The following ARHGAP24 variants were observed in gnomAD, a reference collection of about 807,000 sequenced individuals.
The protein encoded by ARHGAP24 is Rho GTPase activating protein 24, also known as rho GTPase-activating protein 24.
ARHGAP24 carries 50 observed loss-of-function variants against 76.4 expected under a neutral mutation model. The ratio of observed to expected loss-of-function variants is 0.65; its 90% confidence interval spans 0.52 to 0.83. The LOEUF is 0.83. Ranked by LOEUF, ARHGAP24 falls within the 40% of genes least tolerant of loss-of-function variation. The pLI is 0.00. For synonymous variants in ARHGAP24, 345 were observed against 323.3 expected (o/e 1.07, Z -0.72); for missense variants, 930 against 914.2 (o/e 1.02, Z -0.22).
rs1261902060 is a variant in ARHGAP24, at chr4:85,923,888, T to C, written c.391+118T>C. The C allele has an allele frequency of 3.1e-5, 45 of 1,435,464 alleles. No homozygotes were observed. In the East Asian group the frequency reaches 1.0e-3, roughly 32 times the overall value. 88.9% of individuals were successfully genotyped at this position (1,435,464 alleles called of 1,614,324 possible). A position where few individuals can be genotyped will look rare whatever the true frequency, so the allele number is the denominator to read the frequency against. Reference sequence around the variant, plus strand: ...TCAAGTGGGTGAATGTTAAAATAAATTGTAAATTGTTCAACATTATTGTTA... The same window carrying C: ...TCAAGTGGGTGAATGTTAAAATAAACTGTAAATTGTTCAACATTATTGTTA... On this transcript the variant is annotated intron_variant, in intron 4 of 9. Coordinates refer to ENST00000395184, the MANE Select transcript of ARHGAP24 (RefSeq NM_001025616.3).
At chr4:85,903,054 T>C (rs984089794) in intron 3 of ARHGAP24, among the ~76,000 whole-genome samples, 12 of 152,246 alleles carry the variant, frequency 7.9e-5, no homozygotes, top group African/African-American at 1.2e-4. Flanking sequence ...TATTTTTATG[T>C]ATATTTTAAG....
intron 3 of ARHGAP24, among the ~76,000 whole-genome samples, chr4:85,821,249 T>A (rs1391351811): frequency 6.6e-6 from 1 of 152,208 alleles, no homozygotes; most frequent in Non-Finnish European, 1.5e-5. Context: ...TAAATTTAAA[T>A]AGAAACTTGT....
rs758029830 is a variant in ARHGAP24 at position 85,969,346 on chromosome 4, GT to G, written c.600-2687del. On this transcript the variant is annotated intron_variant, in intron 5 of 9. Transcript: ENST00000395184. ...TTACAGCAGATTTCTTGTTAAATGTGTTTCTTGTTTATCATTATTGTCTCAT... is the reference window on the plus strand; with the variant it reads ...TTACAGCAGATTTCTTGTTAAATGTGTTCTTGTTTATCATTATTGTCTCAT... Among the ~76,000 whole-genome samples the G allele has an allele frequency of 1.9e-4, 29 of 151,592 alleles. No homozygotes were observed. The East Asian group carries it at 5.6e-3, about 29-fold the overall frequency.
At chr4:85,974,073 G>A (rs931029106) in intron 6 of ARHGAP24, among the ~76,000 whole-genome samples, 10 of 149,632 alleles carry the variant, frequency 6.7e-5, no homozygotes, top group African/African-American at 2.2e-4. Flanking sequence ...AGCCAGGATG[G>A]TCTCGATCTC....
At chr4:85,947,497 T>C (rs1737352350) in intron 5 of ARHGAP24, among the ~76,000 whole-genome samples, 1 of 152,160 alleles carries the variant, frequency 6.6e-6, no homozygotes, top group Admixed American at 6.5e-5. Flanking sequence ...CCTAATACAA[T>C]TACAGTGGTG....
intron 3 of ARHGAP24, among the ~76,000 whole-genome samples, chr4:85,828,727 T>C (rs948375657): frequency 1.3e-5 from 2 of 152,254 alleles, no homozygotes; most frequent in Non-Finnish European, 1.5e-5. Context: ...TATGAGTCTG[T>C]TACAATAGGA....
At chr4:85,954,553 A>G (rs191974268) in intron 5 of ARHGAP24, among the ~76,000 whole-genome samples, 4 of 152,368 alleles carry the variant, frequency 2.6e-5, no homozygotes, top group African/African-American at 7.2e-5. Flanking sequence ...CTTGTTTTAC[A>G]AATGAAGATC....
intron 1 of ARHGAP24, among the ~76,000 whole-genome samples, chr4:85,563,157 T>C (rs918628694): frequency 7.9e-5 from 12 of 152,224 alleles, no homozygotes; most frequent in Non-Finnish European, 1.8e-4. Context: ...GAAGGCTGCC[T>C]TTGTTACTCC....
At chr4:85,674,552 G>C (rs1036739075) in intron 2 of ARHGAP24, among the ~76,000 whole-genome samples, 2 of 152,090 alleles carry the variant, frequency 1.3e-5, no homozygotes. Context: ...ATTTGCATTT[G>C]CAGTTGCCAC....
intron 2 of ARHGAP24, among the ~76,000 whole-genome samples, chr4:85,596,912 A>G (rs1560546408): frequency 6.6e-6 from 1 of 152,050 alleles, no homozygotes; most frequent in Non-Finnish European, 1.5e-5. Flanking sequence ...ATATCATAAT[A>G]TTTTAAGTCC....
At chr4:85,945,063 C>G (rs536776795) in intron 5 of ARHGAP24, among the ~76,000 whole-genome samples, 1 of 152,226 alleles carries the variant, frequency 6.6e-6, no homozygotes, top group African/African-American at 2.4e-5. Context: ...TCAGGCTGGT[C>G]TCGAACTGCC....
chr4:85,622,980 G>A (rs562972595), intron 2 of ARHGAP24, among the ~76,000 whole-genome samples: 1 of 152,024 alleles, frequency 6.6e-6, no homozygotes, highest in South Asian at 2.1e-4. Flanking sequence ...TGAGTTCATT[G>A]TAGATTCTGG....
intron 2 of ARHGAP24, among the ~76,000 whole-genome samples, chr4:85,624,210 T>C (rs1720835239): frequency 6.6e-6 from 1 of 152,170 alleles, no homozygotes; most frequent in Admixed American, 6.5e-5. Flanking sequence ...CAGTATGATA[T>C]TGGCTGTGGG....
chr4:85,917,629 A>G (rs1217334713), intron 3 of ARHGAP24, among the ~76,000 whole-genome samples: 1 of 152,074 alleles, frequency 6.6e-6, no homozygotes, highest in Non-Finnish European at 1.5e-5. Flanking sequence ...ATGGTATCTC[A>G]CTGTGGTTTT....
rs1481506096 is a variant in ARHGAP24 at position 85,621,159 on chromosome 4, T to C, written c.180+50438T>C. On this transcript the variant is annotated intron_variant, in intron 2 of 9. Coordinates refer to ENST00000395184, the MANE Select transcript of ARHGAP24 (RefSeq NM_001025616.3). ...TTGCATGTTGTCTATATACCACATA[T>C]TCTTCATCCGATCCACCACTGATAG... is the stretch of plus-strand genomic sequence containing the variant. Among the ~76,000 whole-genome samples the C allele has an allele frequency of 2.6e-5, 4 of 152,140 alleles. No individual in the cohort carries two copies. The East Asian group carries it at 7.7e-4, about 29-fold the overall frequency.
At chr4:85,842,578 A>C (rs1730660047) in intron 3 of ARHGAP24, among the ~76,000 whole-genome samples, 2 of 152,244 alleles carry the variant, frequency 1.3e-5, no homozygotes, top group East Asian at 3.8e-4. Context: ...GGAGCGATAA[A>C]GAAAACAACT....
chr4:85,741,285 T>C (rs992279647), intron 3 of ARHGAP24, among the ~76,000 whole-genome samples: 1 of 152,160 alleles, frequency 6.6e-6, no homozygotes, highest in Non-Finnish European at 1.5e-5. Flanking sequence ...TAGAATGGCT[T>C]TTGCTGTTAG....
At chr4:85,969,736 G>T (rs999181183) in intron 5 of ARHGAP24, among the ~76,000 whole-genome samples, 1 of 152,078 alleles carries the variant, frequency 6.6e-6, no homozygotes, top group Non-Finnish European at 1.5e-5. Context: ...ACGGTGGTTT[G>T]TCAGAAAACA....
intron 3 of ARHGAP24, among the ~76,000 whole-genome samples, chr4:85,774,840 T>A (rs116748610): frequency 0.016 from 2,437 of 152,240 alleles, 70 homozygotes; most frequent in African/African-American, 0.055. Context: ...AAGTTAGATG[T>A]TTGTTGACAG....
Sources: gnomAD v4.1 joint callset for allele counts (sites outside exome capture counted in the v4.1 genomes callset) on GRCh38, gnomAD v4.1.1 for gene constraint, MANE v1.5 for transcripts, NCBI Gene and HGNC (gene_info 2026-07-23, HGNC 2026-07-21) for gene names.